UBE2E2: variants seen among roughly 807,000 people sequenced by gnomAD.
The protein encoded by UBE2E2 is ubiquitin conjugating enzyme E2 E2.
A neutral mutation model predicts 24.7 loss-of-function variants in UBE2E2; 6 were observed. The ratio of observed to expected loss-of-function variants is 0.24; its 90% CI spans 0.13 to 0.48. UBE2E2 has a LOEUF of 0.48. Ranked by LOEUF, UBE2E2 falls within the 20% of genes least tolerant of loss-of-function variation. The pLI is 0.99. For synonymous variants in UBE2E2, 104 were observed against 83.6 expected, an observed-to-expected ratio of 1.24 and a Z score of -1.33; for missense variants, 169 against 245.0, an observed-to-expected ratio of 0.69 and a Z score of 2.07.
intron 3 of UBE2E2, among the ~76,000 whole-genome samples, chr3:23,362,658 A>G (rs900234532): frequency 6.6e-6 from 1 of 152,098 alleles, no homozygotes; most frequent in Non-Finnish European, 1.5e-5. Flanking sequence ...CAGGCAAGCA[A>G]TGCCTGCTAG....
intron 3 of UBE2E2, among the ~76,000 whole-genome samples, chr3:23,252,506 T>C (rs574306002): frequency 2.6e-5 from 4 of 152,186 alleles, no homozygotes; most frequent in African/African-American, 9.7e-5. Flanking sequence ...TTTTTTTTTT[T>C]AATTTTTTGA....
intron 2 of UBE2E2, among the ~76,000 whole-genome samples, chr3:23,210,158 T>C (rs970110210): frequency 4.6e-5 from 7 of 151,906 alleles, no homozygotes; most frequent in Admixed American, 4.6e-4. Context: ...GACATTTAGG[T>C]GAAAGAAGGA....
chr3:23,341,756 T>C (rs1402917366), intron 3 of UBE2E2, among the ~76,000 whole-genome samples: 1 of 152,172 alleles, frequency 6.6e-6, no homozygotes, highest in Admixed American at 6.5e-5. Context: ...AGTGTAGTAA[T>C]TGATCAAACT....
intron 3 of UBE2E2, among the ~76,000 whole-genome samples, chr3:23,401,596 C>T (rs1209531673): frequency 1.3e-5 from 2 of 152,154 alleles, no homozygotes; most frequent in East Asian, 3.9e-4. Context: ...ACTTTCTCCT[C>T]CTGTCCCATT....
intron 3 of UBE2E2, among the ~76,000 whole-genome samples, chr3:23,246,032 A>G (rs563588211): frequency 2.6e-5 from 4 of 152,158 alleles, no homozygotes; most frequent in Non-Finnish European, 4.4e-5. Context: ...ATCAATATTT[A>G]TATTTATTGG....
At chr3:23,257,565 A>G (rs1169419224) in intron 3 of UBE2E2, among the ~76,000 whole-genome samples, 1 of 95,532 alleles carries the variant, frequency 1.0e-5, no homozygotes, top group African/African-American at 4.1e-5. Flanking sequence ...AAGATATTAG[A>G]GTCTCATGAG....
intron 3 of UBE2E2, among the ~76,000 whole-genome samples, chr3:23,445,404 T>C (rs954405887): frequency 1.3e-5 from 2 of 152,118 alleles, no homozygotes; most frequent in African/African-American, 4.8e-5. Context: ...AGGCCCCTGA[T>C]CAAACAGCCA....
At chr3:23,508,513 C>T (rs1435597390) in intron 4 of UBE2E2, among the ~76,000 whole-genome samples, 1 of 152,166 alleles carries the variant, frequency 6.6e-6, no homozygotes, top group Non-Finnish European at 1.5e-5. Context: ...TTATTATTGT[C>T]TCCTGAGATG....
At chr3:23,335,305 C>T (rs1236293904) in intron 3 of UBE2E2, among the ~76,000 whole-genome samples, 2 of 151,902 alleles carry the variant, frequency 1.3e-5, no homozygotes, top group Non-Finnish European at 2.9e-5. Flanking sequence ...GGAGACTGAC[C>T]CTGGCTTTCA....
chr3:23,551,521 T>C (rs1695643520), intron 5 of UBE2E2, among the ~76,000 whole-genome samples: 3 of 152,252 alleles, frequency 2.0e-5, no homozygotes, highest in Admixed American at 1.3e-4. Flanking sequence ...TTACTGTTAC[T>C]GTAGGACTTA....
At chr3:23,283,802 C>T (rs1160209314) in intron 3 of UBE2E2, among the ~76,000 whole-genome samples, 1 of 152,062 alleles carries the variant, frequency 6.6e-6, no homozygotes, top group Admixed American at 6.6e-5. Flanking sequence ...CCAGAGGTCA[C>T]GTGGGAGGTT....
intron 4 of UBE2E2, among the ~76,000 whole-genome samples, chr3:23,513,379 A>G (rs183727796): frequency 6.6e-6 from 1 of 152,282 alleles, no homozygotes; most frequent in Admixed American, 6.5e-5. Flanking sequence ...CTTGAAGATT[A>G]TCCCATATTT....
intron 3 of UBE2E2, among the ~76,000 whole-genome samples, chr3:23,435,391 AG>A (rs1366991418): frequency 6.6e-6 from 1 of 152,226 alleles, no homozygotes; most frequent in Non-Finnish European, 1.5e-5. Flanking sequence ...ACTTGGTGTG[AG>A]GTCTGATTCA....
intron 3 of UBE2E2, among the ~76,000 whole-genome samples, chr3:23,443,386 T>G (rs1424956363): frequency 6.6e-6 from 1 of 151,814 alleles, no homozygotes; most frequent in Non-Finnish European, 1.5e-5. Flanking sequence ...GGGTGGAGAG[T>G]CAATACATGG....
intron 3 of UBE2E2, among the ~76,000 whole-genome samples, chr3:23,428,014 G>C (rs1026118309): frequency 2.0e-5 from 3 of 152,122 alleles, no homozygotes; most frequent in Non-Finnish European, 4.4e-5. Flanking sequence ...TGATCCAGCA[G>C]GCAGAAAATT....
intron 3 of UBE2E2, among the ~76,000 whole-genome samples, chr3:23,225,437 AT>A (rs1696793250): frequency 6.6e-6 from 1 of 152,080 alleles, no homozygotes; most frequent in Admixed American, 6.6e-5. Flanking sequence ...TAGCTTTTAC[AT>A]TTTGGTTTCT....
At chr3:23,546,658 A>C (rs938111448) in intron 5 of UBE2E2, among the ~76,000 whole-genome samples, 1 of 151,524 alleles carries the variant, frequency 6.6e-6, no homozygotes, top group Admixed American at 6.6e-5. Flanking sequence ...TTTTTAGTAG[A>C]GGTGGGGTTT....
Position 23,344,992 on chromosome 3 carries a change from G to T in UBE2E2, c.227+127680G>T, listed in dbSNP as rs561238257. Among the ~76,000 whole-genome samples the T allele has an allele frequency of 2.0e-4, 30 of 152,186 alleles. No homozygotes were observed. The East Asian group carries it at 4.6e-3, about 23-fold the overall frequency. ...AATTCCATTGTGGACTCTCCCCCAGGTGTGCAGCCTTGAATGATGGAAATA... is the reference window on the plus strand; with the variant it reads ...AATTCCATTGTGGACTCTCCCCCAGTTGTGCAGCCTTGAATGATGGAAATA... On this transcript the variant is annotated intron_variant, in intron 3 of 5. Coordinates refer to ENST00000396703, the MANE Select transcript of UBE2E2 (RefSeq NM_152653.4).
intron 3 of UBE2E2, among the ~76,000 whole-genome samples, chr3:23,444,968 A>G (rs946920003): frequency 2.6e-5 from 4 of 152,162 alleles, no homozygotes; most frequent in Admixed American, 6.5e-5. Context: ...GTAAAGACAA[A>G]TCATTGCCAC....
Sources: allele counts gnomAD v4.1 joint callset (sites outside exome capture counted in the v4.1 genomes callset), GRCh38; gene constraint gnomAD v4.1.1; transcripts MANE v1.5; gene names NCBI Gene and HGNC (gene_info 2026-07-23, HGNC 2026-07-21).